Variants in TSC22D3 observed in about 807,000 individuals in gnomAD.
TSC22D3 encodes TSC22 domain family protein 3.
A neutral mutation model predicts 11.1 loss-of-function variants in TSC22D3; 4 were observed. The ratio of observed to expected loss-of-function variants is 0.36; its 90% CI spans 0.18 to 0.83. The LOEUF (loss-of-function observed/expected upper bound fraction) is 0.83, where lower values mean the gene tolerates loss of function less well. Among genes scored for constraint, TSC22D3 ranks in the 40% least tolerant of loss-of-function variants. TSC22D3 has a pLI of 0.48. For missense variants in TSC22D3, 118 were observed against 159.4 expected, an observed-to-expected ratio of 0.74 and a Z score of 1.40; for synonymous variants, 77 against 70.3, an observed-to-expected ratio of 1.10 and a Z score of -0.48.
chrX:107,735,565 A>G lies in TSC22D3; in HGVS notation c.321-19615T>C, dbSNP rs190628584. On this transcript the variant is annotated intron_variant, in intron 1 of 2. Coordinates refer to ENST00000372383, the MANE Select transcript of TSC22D3 (RefSeq NM_198057.3). ...ACCACCCTCAGCATTTGATTCCAGG[A>G]CCAAGTAAGACCTCCATGCCAGGCG... is the stretch of plus-strand genomic sequence containing the variant. 6.3e-5 allele frequency among the ~76,000 whole-genome samples: 7 copies of G among 110,798 alleles called. No individual in the cohort carries two copies. The East Asian group carries it at 2.0e-3, about 32-fold the overall frequency.
chrX:107,774,493 T>C (rs1930045532), intron 1 of TSC22D3, among the ~76,000 whole-genome samples: 1 of 111,668 alleles, frequency 9.0e-6, no homozygotes, highest in Non-Finnish European at 1.9e-5. Context: ...AGCTTACATT[T>C]GAAATTTAAC....
intron 1 of TSC22D3, among the ~76,000 whole-genome samples, chrX:107,734,492 G>T (rs1376814636): frequency 1.8e-5 from 2 of 111,937 alleles, no homozygotes; most frequent in African/African-American, 3.3e-5. Flanking sequence ...GGGTGGCAAC[G>T]CATGGTCTCA....
intron 1 of TSC22D3, among the ~76,000 whole-genome samples, chrX:107,773,278 C>T (rs753528271): frequency 1.4e-4 from 16 of 112,591 alleles, no homozygotes; most frequent in South Asian, 1.1e-3. Flanking sequence ...ACACTTCCCT[C>T]ACCCAGGTTT....
chrX:107,734,233 C>T (rs868610823), intron 1 of TSC22D3, among the ~76,000 whole-genome samples: 4 of 112,190 alleles, frequency 3.6e-5, no homozygotes, highest in African/African-American at 9.7e-5. Context: ...GCTGGAAAAT[C>T]GGGCCCACCA....
intron 1 of TSC22D3, among the ~76,000 whole-genome samples, chrX:107,756,939 G>T (rs1929206024): frequency 8.9e-6 from 1 of 112,358 alleles, no homozygotes; most frequent in Non-Finnish European, 1.9e-5. Flanking sequence ...CCCCAGCTGG[G>T]AACTCAGTCT....
At chrX:107,758,130 G>A (rs1233215451) in intron 1 of TSC22D3, among the ~76,000 whole-genome samples, 1 of 110,479 alleles carries the variant, frequency 9.1e-6, no homozygotes, top group African/African-American at 3.3e-5. Context: ...GGCTAGCAGG[G>A]AGGGAGGAGA....
chrX:107,737,482 G>A (rs922619604), intron 1 of TSC22D3, among the ~76,000 whole-genome samples: 5 of 111,510 alleles, frequency 4.5e-5, no homozygotes, highest in African/African-American at 1.6e-4. Flanking sequence ...TGGAGTGGAT[G>A]TTGGCCCTTT....
At chrX:107,727,157 T>C (rs1927678612) in intron 1 of TSC22D3, among the ~76,000 whole-genome samples, 2 of 111,928 alleles carry the variant, frequency 1.8e-5, no homozygotes, top group African/African-American at 6.5e-5. Context: ...GCTGCTGCAA[T>C]GATGGGTTTG....
chrX:107,774,886 G>T lies in TSC22D3; in HGVS notation c.320+214C>A, dbSNP rs754814529. On this transcript the variant is annotated intron_variant, in intron 1 of 2. Transcript: ENST00000372383. ...CCAGCGTCCCCATCAGAAAGCCTTT[G>T]CAGGCAGCTTTCAGAATAGGGCTTG... The T allele has an allele frequency of 2.3e-4, 102 of 443,119 alleles. No individual in the cohort carries two copies. The South Asian group carries it at 3.6e-3, about 16-fold the overall frequency. 36.5% of individuals were successfully genotyped at this position (443,119 alleles called of 1,213,427 possible).
At chrX:107,750,284 TC>T (rs1265578173) in intron 1 of TSC22D3, among the ~76,000 whole-genome samples, 2 of 107,053 alleles carry the variant, frequency 1.9e-5, no homozygotes, top group Non-Finnish European at 3.9e-5. Flanking sequence ...GAGCAGTTGC[TC>T]CCTAGGGTGA....
chrX:107,762,846 CTTTTTTT>C (rs1170456785), intron 1 of TSC22D3, among the ~76,000 whole-genome samples: 39 of 44,774 alleles, frequency 8.7e-4, no homozygotes, highest in African/African-American at 1.9e-3. Context: ...TGCACATGTA[CTTTTTTT>C]TTTTTTTTTT....
chrX:107,770,164 G>A (rs751299594), intron 1 of TSC22D3, among the ~76,000 whole-genome samples: 16 of 112,142 alleles, frequency 1.4e-4, no homozygotes, highest in African/African-American at 4.5e-4. Flanking sequence ...ACAATGCGTT[G>A]CAATCTCTAA....
chrX:107,737,886 C>G (rs1928217903), intron 1 of TSC22D3, among the ~76,000 whole-genome samples: 1 of 111,855 alleles, frequency 8.9e-6, no homozygotes, highest in African/African-American at 3.3e-5. Context: ...GAATTTAGGT[C>G]CTGGGAATAA....
intron 1 of TSC22D3, among the ~76,000 whole-genome samples, chrX:107,728,893 G>C (rs758225772): frequency 9.0e-6 from 1 of 111,613 alleles, no homozygotes; most frequent in East Asian, 2.8e-4. Flanking sequence ...GCTAAGTATA[G>C]ACTGGTGGGG....
Position 107,744,343 on chromosome X carries a change from C to T in TSC22D3, c.321-28393G>A, listed in dbSNP as rs191239422. 1.0e-3 allele frequency among the ~76,000 whole-genome samples: 114 copies of T among 110,855 alleles called. 1 individual carries two copies. The highest frequency in any genetic ancestry group is 3.5e-3 in the African/African-American group (108 of 30,482). Reference sequence around the variant, plus strand: ...TAAAATAAAGAGCTCAGGCTGGGTGCGGTGGCTCACACCTGTAATCCCAGC... The same window carrying T: ...TAAAATAAAGAGCTCAGGCTGGGTGTGGTGGCTCACACCTGTAATCCCAGC... On this transcript the variant is annotated intron_variant, in intron 1 of 2. Coordinates refer to ENST00000372383, the MANE Select transcript of TSC22D3 (RefSeq NM_198057.3).
chrX:107,723,526 C>T (rs1927461473), intron 1 of TSC22D3, among the ~76,000 whole-genome samples: 1 of 112,504 alleles, frequency 8.9e-6, no homozygotes, highest in African/African-American at 3.2e-5. Context: ...TTCAGGTAGG[C>T]AAACAGGCTC....
At chrX:107,720,527 A>G (rs1381109481) in intron 1 of TSC22D3, among the ~76,000 whole-genome samples, 1 of 111,192 alleles carries the variant, frequency 9.0e-6, no homozygotes, top group Non-Finnish European at 1.9e-5. Flanking sequence ...CCCAGTTTCT[A>G]TTAAAAATAC....
chrX:107,726,579 C>A (rs1927634966), intron 1 of TSC22D3, among the ~76,000 whole-genome samples: 1 of 112,781 alleles, frequency 8.9e-6, no homozygotes. Context: ...AAGCCCACAG[C>A]AAGATTGCAA....
chrX:107,775,067 G>C lies in TSC22D3; in HGVS notation c.320+33C>G, dbSNP rs373389071. The C allele has an allele frequency of 2.3e-5, 27 of 1,195,504 alleles. No homozygotes were observed. In the African/African-American group the frequency reaches 4.2e-4, roughly 19 times the overall value. On this transcript the variant is annotated intron_variant, in intron 1 of 2. Coordinates refer to ENST00000372383, the MANE Select transcript of TSC22D3 (RefSeq NM_198057.3). ...TGCAGCAGAGGCTGGTGGGAGCAAGGACCGAGTTGCCGCCGTGTGCCGAGC... is the reference window on the plus strand; with the variant it reads ...TGCAGCAGAGGCTGGTGGGAGCAAGCACCGAGTTGCCGCCGTGTGCCGAGC...
Sources: gnomAD v4.1 joint callset for allele counts (sites outside exome capture counted in the v4.1 genomes callset) on GRCh38, gnomAD v4.1.1 for gene constraint, MANE v1.5 for transcripts, NCBI Gene and HGNC (gene_info 2026-07-23, HGNC 2026-07-21) for gene names.